The following SLC25A21 variants were observed in gnomAD, a reference collection of about 807,000 sequenced individuals.
SLC25A21 encodes mitochondrial 2-oxodicarboxylate carrier.
SLC25A21 carries 47 observed loss-of-function variants against 43.8 expected under a neutral mutation model. That is an observed-to-expected ratio of 1.07 (90% confidence interval 0.85 to 1.37). SLC25A21 has a LOEUF of 1.37. Ranked by LOEUF, SLC25A21 falls within the 40% of genes most tolerant of loss-of-function variation. SLC25A21 has a pLI of 0.00. For missense variants in SLC25A21, 352 were observed against 350.2 expected, an observed-to-expected ratio of 1.00 and a Z score of -0.04; for synonymous variants, 131 against 121.3, an observed-to-expected ratio of 1.08 and a Z score of -0.52.
At chr14:36,796,703 T>C (rs1300096775) in intron 3 of SLC25A21, among the ~76,000 whole-genome samples, 1 of 152,136 alleles carries the variant, frequency 6.6e-6, no homozygotes, top group East Asian at 1.9e-4. Context: ...GTTTGGTCTA[T>C]TCACATGTAT....
chr14:37,168,581 A>G (rs1016386971), intron 1 of SLC25A21, among the ~76,000 whole-genome samples: 8 of 152,018 alleles, frequency 5.3e-5, no homozygotes, highest in African/African-American at 1.9e-4. Context: ...GTTGATTGGT[A>G]CAGAGGTGGG....
chr14:36,764,551 C>CCGAAA (rs1555326674), intron 3 of SLC25A21, among the ~76,000 whole-genome samples: 3 of 126,560 alleles, frequency 2.4e-5, no homozygotes, highest in African/African-American at 5.9e-5. Flanking sequence ...AAAAAAAAAG[C>CCGAAA]CAAAACAAAA....
chr14:37,004,156 C>A (rs1960547306), intron 1 of SLC25A21, among the ~76,000 whole-genome samples: 1 of 152,058 alleles, frequency 6.6e-6, no homozygotes, highest in South Asian at 2.1e-4. Flanking sequence ...GGCGTTAAGA[C>A]AACATTTTTA....
chr14:36,823,143 C>G (rs897100631), intron 2 of SLC25A21, among the ~76,000 whole-genome samples: 1 of 152,082 alleles, frequency 6.6e-6, no homozygotes, highest in Non-Finnish European at 1.5e-5. Context: ...ACTACACTGA[C>G]AATATAATTC....
At chr14:37,130,332 T>C (rs1350066106) in intron 1 of SLC25A21, among the ~76,000 whole-genome samples, 1 of 152,186 alleles carries the variant, frequency 6.6e-6, no homozygotes, top group African/African-American at 2.4e-5. Flanking sequence ...GGACTCAGTA[T>C]TCATAGTATA....
At chr14:36,698,596 G>A (rs1883142262) in intron 7 of SLC25A21, among the ~76,000 whole-genome samples, 1 of 152,168 alleles carries the variant, frequency 6.6e-6, no homozygotes, top group South Asian at 2.1e-4. Context: ...ATATTTCTTG[G>A]AGGCTTTCTT....
intron 1 of SLC25A21, chr14:37,097,838 C>T (rs1054046940): frequency 3.3e-5 from 5 of 149,362 alleles, no homozygotes; most frequent in African/African-American, 1.2e-4. Context: ...GAGCCGAGAT[C>T]GCACCATCGC....
chr14:36,898,601 G>A (rs1891315461), intron 1 of SLC25A21, among the ~76,000 whole-genome samples: 1 of 152,152 alleles, frequency 6.6e-6, no homozygotes, highest in Non-Finnish European at 1.5e-5. Flanking sequence ...TGGAAATGCA[G>A]AAATCACCTG....
At chr14:36,997,431 G>A (rs1960395552) in intron 1 of SLC25A21, among the ~76,000 whole-genome samples, 1 of 152,088 alleles carries the variant, frequency 6.6e-6, no homozygotes, top group Non-Finnish European at 1.5e-5. Flanking sequence ...AGCTGAATGT[G>A]GCAATAAAAT....
At chr14:36,905,800 C>T (rs1427906363) in intron 1 of SLC25A21, among the ~76,000 whole-genome samples, 6 of 152,176 alleles carry the variant, frequency 3.9e-5, no homozygotes, top group African/African-American at 1.4e-4. Context: ...GTCACACATT[C>T]AACAGTCTAT....
intron 1 of SLC25A21, among the ~76,000 whole-genome samples, chr14:36,977,881 T>C (rs999747923): frequency 2.0e-5 from 3 of 151,724 alleles, no homozygotes; most frequent in African/African-American, 7.3e-5. Flanking sequence ...CTTTGGGATA[T>C]GCGCTCAGAG....
intron 2 of SLC25A21, among the ~76,000 whole-genome samples, chr14:36,832,456 C>T (rs545603312): frequency 5.3e-5 from 8 of 152,192 alleles, no homozygotes; most frequent in Middle Eastern, 3.4e-3. Context: ...TTGAGGCTCA[C>T]GGGCCTGACT....
intron 1 of SLC25A21, among the ~76,000 whole-genome samples, chr14:36,936,171 C>T (rs1892418978): frequency 6.6e-6 from 1 of 152,180 alleles, no homozygotes; most frequent in South Asian, 2.1e-4. Context: ...TTCTCCCAAG[C>T]TGAATCACAA....
rs1891466498 is a variant in SLC25A21, at chr14:36,903,981, ATAGT to A, written c.71-28981_71-28978del. ...AGTTCTTTCAAACTTCAAATACAGAATAGTTAGAATAAACGCTCAGGCAATTGAG... is the reference window on the plus strand; with the variant it reads ...AGTTCTTTCAAACTTCAAATACAGAATAGAATAAACGCTCAGGCAATTGAG... On this transcript the variant is annotated intron_variant, in intron 1 of 9. Coordinates refer to ENST00000331299, the MANE Select transcript of SLC25A21 (RefSeq NM_030631.4). Among the ~76,000 whole-genome samples, 2 of 152,242 alleles carry A rather than the reference ATAGT, an allele frequency of 1.3e-5. 1 individual carries two copies. The highest frequency in any genetic ancestry group is 4.1e-4 in the South Asian group (2 of 4,832).
Position 37,046,710 on chromosome 14 carries a change from T to C in SLC25A21, c.70+125571A>G, listed in dbSNP as rs72667393. ...TTGGATTGATTTCTTAAACCCTGTA[T>C]ACACATTCATGATTGTGCTCTGCCC... On this transcript the variant is annotated intron_variant, in intron 1 of 9. Transcript: ENST00000331299. Among the ~76,000 whole-genome samples the C allele has an allele frequency of 9.3e-3, 1,415 of 152,344 alleles. 11 individuals are homozygous for C. Among genetic ancestry groups the C allele is most frequent in the South Asian group, 0.016 (78 of 4,828 alleles).
chr14:36,715,126 A>C (rs912753884), intron 6 of SLC25A21, among the ~76,000 whole-genome samples: 2 of 152,228 alleles, frequency 1.3e-5, no homozygotes, highest in Admixed American at 6.5e-5. Flanking sequence ...GAGTTTGACA[A>C]TCCAACTGAT....
intron 2 of SLC25A21, among the ~76,000 whole-genome samples, chr14:36,874,045 G>T (rs533668259): frequency 6.6e-6 from 1 of 152,204 alleles, no homozygotes; most frequent in Non-Finnish European, 1.5e-5. Flanking sequence ...TATTAGAAAT[G>T]TAATATTATT....
At chr14:36,734,450 T>G (rs1248768464) in intron 4 of SLC25A21, 57 bp downstream of exon 4, 2 of 1,318,072 alleles carry the variant, frequency 1.5e-6, no homozygotes, top group African/African-American at 2.9e-5. Context: ...GAGTTTGTTG[T>G]GCTGAAGCTG....
intron 1 of SLC25A21, among the ~76,000 whole-genome samples, chr14:37,069,584 C>A (rs1264824258): frequency 1.3e-5 from 2 of 152,140 alleles, no homozygotes; most frequent in Non-Finnish European, 2.9e-5. Context: ...TCAGTTTCAG[C>A]CTTCTTCGTT....
Sources: gnomAD v4.1 joint callset for allele counts (sites outside exome capture counted in the v4.1 genomes callset) on GRCh38, gnomAD v4.1.1 for gene constraint, MANE v1.5 for transcripts, NCBI Gene and HGNC (gene_info 2026-07-23, HGNC 2026-07-21) for gene names.